Variants in USH2A observed in about 807,000 individuals in gnomAD.
USH2A encodes the protein Usher syndrome 2A (autosomal recessive, mild).
In USH2A, 443 loss-of-function variants were observed where a neutral mutation model predicts 538.9. The ratio of observed to expected loss-of-function variants is 0.82; its 90% CI spans 0.76 to 0.89. USH2A has a LOEUF of 0.89. USH2A is among the 40% of genes least tolerant of loss of function. The pLI, the probability that USH2A is intolerant of heterozygous loss-of-function variation, is 0.00. For missense variants in USH2A, 6,633 were observed against 6,324.8 expected (o/e 1.05, Z -1.65); for synonymous variants, 2,413 against 2,273.5 (o/e 1.06, Z -1.75).
chr1:215,891,995 CA>C (rs1169764042), intron 40 of USH2A, among the ~76,000 whole-genome samples: 1 of 152,110 alleles, frequency 6.6e-6, no homozygotes, highest in African/African-American at 2.4e-5. Flanking sequence ...TTCATTTTGG[CA>C]AATGAAATTA....
chr1:215,769,844 A>G (rs1291613351), intron 55 of USH2A, among the ~76,000 whole-genome samples: 1 of 152,232 alleles, frequency 6.6e-6, no homozygotes, highest in Non-Finnish European at 1.5e-5. Flanking sequence ...CAAAGATTGA[A>G]GAACCAGGAG....
intron 30 of USH2A, among the ~76,000 whole-genome samples, chr1:216,051,468 A>G (rs1283348663): frequency 1.3e-5 from 2 of 152,210 alleles, no homozygotes; most frequent in East Asian, 1.9e-4. Context: ...TGTCTTTCCT[A>G]TTGCCAAGTT....
chr1:216,391,525 T>C (rs2102746882), intron 3 of USH2A, among the ~76,000 whole-genome samples: 1 of 152,348 alleles, frequency 6.6e-6, no homozygotes, highest in African/African-American at 2.4e-5. Context: ...AGAGTTTCTG[T>C]TGCATTGCGC....
At chr1:215,873,127 GA>G (rs1198281369) in intron 43 of USH2A, among the ~76,000 whole-genome samples, 5 of 149,700 alleles carry the variant, frequency 3.3e-5, no homozygotes, top group Admixed American at 6.7e-5. Flanking sequence ...GTAAGGCATT[GA>G]AAAAAAAATC....
intron 44 of USH2A, among the ~76,000 whole-genome samples, chr1:215,860,305 C>G (rs112474060): frequency 1.3e-5 from 2 of 152,162 alleles, no homozygotes; most frequent in Non-Finnish European, 2.9e-5. Context: ...TTTTTAACAT[C>G]TACATTAGAG....
intron 21 of USH2A, among the ~76,000 whole-genome samples, chr1:216,169,573 A>T (rs1558295825): frequency 6.6e-6 from 1 of 152,122 alleles, no homozygotes; most frequent in African/African-American, 2.4e-5. Context: ...TTACATCTCC[A>T]TATCTCTAGT....
At chr1:216,090,451 G>T (rs2032271357) in intron 22 of USH2A, among the ~76,000 whole-genome samples, 1 of 140,410 alleles carries the variant, frequency 7.1e-6, no homozygotes, top group South Asian at 2.2e-4. Context: ...AAAAAAAAAA[G>T]CTTTTAATTT....
At chr1:216,090,724 T>C (rs1055197965) in intron 22 of USH2A, among the ~76,000 whole-genome samples, 1 of 152,164 alleles carries the variant, frequency 6.6e-6, no homozygotes, top group Admixed American at 6.5e-5. Context: ...TAATGTGCCC[T>C]GGTAGCATGC....
At position 216,046,416 on chromosome 1, in the gene USH2A, C is replaced by T. The variant is rs770907756; in HGVS notation, c.6325+15G>A. On this transcript the variant is annotated intron_variant, in intron 32 of 71. Coordinates refer to ENST00000307340, the MANE Select transcript of USH2A (RefSeq NM_206933.4). ...ATAGACTATAACAATTCGCTGATAA[C>T]TCTAGAGGTCTTACCTGTGACTATG... 18 of 1,613,182 alleles carry T rather than the reference C, an allele frequency of 1.1e-5. No homozygotes were observed. The highest frequency in any genetic ancestry group is 1.4e-5 in the Non-Finnish European group (16 of 1,179,380).
At chr1:215,999,169 T>G in intron 33 of USH2A, 111 bp from the exon 34 acceptor site, 1 of 942,426 alleles carries the variant, frequency 1.1e-6, no homozygotes, top group Non-Finnish European at 1.6e-6. Context: ...TTAAAAAACA[T>G]AAATCTCAAA....
At chr1:215,728,442 T>C in intron 60 of USH2A, 58 bp from the exon 61 acceptor site, 1 of 1,521,736 alleles carries the variant, frequency 6.6e-7, no homozygotes, top group Non-Finnish European at 9.1e-7. Context: ...ACAAAGTTTG[T>C]AGATGGAGTA....
chr1:216,261,475 A>G (rs1204729183), intron 11 of USH2A, among the ~76,000 whole-genome samples: 1 of 151,640 alleles, frequency 6.6e-6, no homozygotes, highest in African/African-American at 2.4e-5. Flanking sequence ...GGCTGGAAAA[A>G]AATCTCAACT....
At chr1:216,029,003 C>T (rs931358531) in intron 32 of USH2A, among the ~76,000 whole-genome samples, 10 of 151,916 alleles carry the variant, frequency 6.6e-5, no homozygotes, top group African/African-American at 1.9e-4. Context: ...AAATTGTGGA[C>T]AATTTGAATT....
chr1:216,241,548 T>C (rs987145617), intron 13 of USH2A, among the ~76,000 whole-genome samples: 1 of 152,070 alleles, frequency 6.6e-6, no homozygotes, highest in Non-Finnish European at 1.5e-5. Flanking sequence ...GTTTTTTTTT[T>C]TTTGAGACGG....
chr1:215,808,127 A>G (rs1383677601), intron 49 of USH2A, among the ~76,000 whole-genome samples: 5 of 152,182 alleles, frequency 3.3e-5, no homozygotes, highest in Admixed American at 6.6e-5. Flanking sequence ...ATGCTTTCAT[A>G]AGAATGTGAT....
intron 21 of USH2A, 108 bp from the exon 22 acceptor site, chr1:216,097,321 G>C: frequency 6.3e-7 from 1 of 1,582,346 alleles, no homozygotes; most frequent in African/African-American, 1.3e-5. Context: ...AGTACAGTCA[G>C]GAAATTATAC....
rs2102466478 is a variant in USH2A, at chr1:216,199,740, G to C, written c.3698C>G (p.Pro1233Arg). ...GGCCTGGGCTGTGGTCACTGTAATG[G>C]GCAAGCTGTGTAAACAGCCCCCGCT... ...CTSGGCLHSL[P>R]ITVTTAQAPP... is the part of the protein sequence containing the mutation. The change falls in exon 17 of 72, where the codon CCC becomes CGC. Residue 1233 changes from proline (P) to arginine (R), a missense_variant. Pro to Arg is a moderately radical substitution (Grantham distance 103, BLOSUM62 -2). Coordinates refer to ENST00000307340, the MANE Select transcript of USH2A (RefSeq NM_206933.4). 2 of 1,614,066 alleles carry C rather than the reference G, an allele frequency of 1.2e-6. No individual in the cohort carries two copies. The highest frequency in any genetic ancestry group is 1.7e-6 in the Non-Finnish European group (2 of 1,179,990).
Position 215,813,752 on chromosome 1 carries a change from G to C in USH2A, c.9723C>G (p.Tyr3241Ter), listed in dbSNP as rs6660707. The C allele has an allele frequency of 6.2e-7, 1 of 1,613,840 alleles. No individual in the cohort carries two copies. The highest frequency in any genetic ancestry group is 1.3e-5 in the African/African-American group (1 of 74,996). ...QPNHQCCSGY[Y>*]ARILPGEVCC... ...AACCCTCACCTGGTAGAATTCTAGC[G>C]TAATACCCAGAGCAGCACTGATGAT... Residue 3241 changes from tyrosine to a stop codon, truncating the protein, a stop_gained, in exon 49 of 72, where the codon TAC (tyrosine) becomes TAG (stop). Coordinates refer to ENST00000307340, the MANE Select transcript of USH2A (RefSeq NM_206933.4). LOFTEE classifies it high-confidence loss of function.
At chr1:216,394,875 C>G (rs548811276) in intron 3 of USH2A, among the ~76,000 whole-genome samples, 1 of 151,702 alleles carries the variant, frequency 6.6e-6, no homozygotes, top group Non-Finnish European at 1.5e-5. Flanking sequence ...CCCGCCACCA[C>G]GCCCGGCTAA....
Sources: allele counts gnomAD v4.1 joint callset (sites outside exome capture counted in the v4.1 genomes callset), GRCh38; gene constraint gnomAD v4.1.1; transcripts MANE v1.5; gene names NCBI Gene and HGNC (gene_info 2026-07-23, HGNC 2026-07-21).